ZFHX3: variants seen among roughly 807,000 people sequenced by gnomAD.
ZFHX3 encodes zinc finger homeobox protein 3.
Under a neutral mutation model 279.1 loss-of-function variants are expected in ZFHX3, and 42 were observed. That is an observed-to-expected ratio of 0.15 (90% CI 0.12 to 0.19). ZFHX3 has a LOEUF of 0.19. Ranked by LOEUF, ZFHX3 falls within the 10% of genes least tolerant of loss-of-function variation. The pLI is 1.00. For synonymous variants in ZFHX3, 2,293 were observed against 1,957.8 expected, an observed-to-expected ratio of 1.17 and a Z score of -4.52; for missense variants, 4,981 against 4,754.0, an observed-to-expected ratio of 1.05 and a Z score of -1.40.
chr16:73,366,281 G>A (rs1445547849), intron 3 of ZFHX3, among the ~76,000 whole-genome samples: 1 of 152,150 alleles, frequency 6.6e-6, no homozygotes, highest in East Asian at 1.9e-4. Flanking sequence ...GAAGGATACT[G>A]GATGGGATAC....
chr16:73,659,910 A>T (rs887837897), intron 2 of ZFHX3, among the ~76,000 whole-genome samples: 4 of 152,202 alleles, frequency 2.6e-5, no homozygotes, highest in African/African-American at 7.2e-5. Context: ...TTGAAAAAAA[A>T]TTTTAGATTG....
intron 1 of ZFHX3, among the ~76,000 whole-genome samples, chr16:73,044,000 T>C (rs898249455): frequency 6.6e-6 from 1 of 152,196 alleles, no homozygotes. Context: ...GTAGCTTCTG[T>C]GTGCTCCTTT....
chr16:73,695,889 G>C (rs12102845), intron 1 of ZFHX3, among the ~76,000 whole-genome samples: 88,689 of 151,988 alleles, frequency 0.58, 27,684 homozygotes, highest in East Asian at 0.84. Flanking sequence ...ACTCAGCTGC[G>C]TAAGGGGCCC....
intron 3 of ZFHX3, among the ~76,000 whole-genome samples, chr16:73,454,528 T>C (rs537394309): frequency 6.8e-6 from 1 of 147,656 alleles, no homozygotes; most frequent in African/African-American, 2.5e-5. Context: ...TTAGGTTAGT[T>C]AGCAAAAATG....
At chr16:72,870,920 T>C (rs1010714164) in intron 4 of ZFHX3, among the ~76,000 whole-genome samples, 5 of 152,184 alleles carry the variant, frequency 3.3e-5, no homozygotes, top group Non-Finnish European at 4.4e-5. Flanking sequence ...TCTTAGGAAA[T>C]ACACACTAAC....
At chr16:73,513,300 T>A (rs1447829930) in intron 2 of ZFHX3, among the ~76,000 whole-genome samples, 2 of 152,118 alleles carry the variant, frequency 1.3e-5, no homozygotes, top group African/African-American at 2.4e-5. Flanking sequence ...TAAAGTTGAG[T>A]AGGCAAACCT....
chr16:73,611,502 T>C (rs1469400713), intron 2 of ZFHX3, among the ~76,000 whole-genome samples: 1 of 152,204 alleles, frequency 6.6e-6, no homozygotes, highest in Non-Finnish European at 1.5e-5. Context: ...GGAAAAATAT[T>C]ACATAAAATA....
chr16:73,095,696 G>A (rs1051149147), intron 7 of ZFHX3, among the ~76,000 whole-genome samples: 3 of 152,120 alleles, frequency 2.0e-5, no homozygotes, highest in African/African-American at 7.2e-5. Context: ...ATAAACATTG[G>A]CCTGATGCCA....
chr16:72,981,521 C>T lies in ZFHX3; in HGVS notation c.-49-21327G>A, dbSNP rs541828293. 5.3e-5 allele frequency among the ~76,000 whole-genome samples: 8 copies of T among 152,292 alleles called. No individual in the cohort carries two copies. In the South Asian group the frequency reaches 1.0e-3, roughly 20 times the overall value. On this transcript the variant is annotated intron_variant, in intron 1 of 9. Coordinates refer to ENST00000268489, the MANE Select transcript of ZFHX3 (RefSeq NM_006885.4). Reference sequence around the variant, plus strand: ...AGATGTTTACCAGCCATTGTTTTTGCGCACACTGTCTTTTATCTCAGCATG... The same window carrying T: ...AGATGTTTACCAGCCATTGTTTTTGTGCACACTGTCTTTTATCTCAGCATG...
In ZFHX3 at chr16:73,645,286, C is replaced by T. The variant is rs138260887; in HGVS notation, c.-1547+34894G>A. Reference sequence around the variant, plus strand: ...TTTTATTTTTATTGAGACGGAGTCTCGCTCTGTCACCCAGGCTGGAGTGCA... The same window carrying T: ...TTTTATTTTTATTGAGACGGAGTCTTGCTCTGTCACCCAGGCTGGAGTGCA... On this transcript the variant is annotated intron_variant, in intron 2 of 17. Coordinates refer to the ZFHX3 transcript ENST00000641206. Among the ~76,000 whole-genome samples the T allele has an allele frequency of 3.3e-5, 5 of 152,258 alleles. No individual in the cohort carries two copies. In the East Asian group the frequency reaches 5.8e-4, roughly 18 times the overall value.
intron 1 of ZFHX3, among the ~76,000 whole-genome samples, chr16:73,007,359 T>C (rs1963746969): frequency 6.6e-6 from 1 of 152,242 alleles, no homozygotes; most frequent in African/African-American, 2.4e-5. Flanking sequence ...TGAAACAGTG[T>C]ATTTAGCAGG....
chr16:73,056,181 C>G (rs954951772), intron 1 of ZFHX3, among the ~76,000 whole-genome samples: 7 of 152,246 alleles, frequency 4.6e-5, no homozygotes, highest in Non-Finnish European at 7.4e-5. Flanking sequence ...TTACGAAATC[C>G]TCTTCGTACA....
chr16:72,975,176 T>C (rs1421167011), intron 1 of ZFHX3, among the ~76,000 whole-genome samples: 2 of 152,148 alleles, frequency 1.3e-5, no homozygotes, highest in Non-Finnish European at 1.5e-5. Context: ...GTGTGGTGGC[T>C]CATACCTGTA....
chr16:73,599,726 T>A (rs1278917967), intron 2 of ZFHX3, among the ~76,000 whole-genome samples: 2 of 54,128 alleles, frequency 3.7e-5, no homozygotes, highest in Non-Finnish European at 6.9e-5. Context: ...CAGATTAAAA[T>A]GTCATTAAAA....
At chr16:73,170,248 T>TTTTTTTTTTTTTTTA (rs55817518) in intron 5 of ZFHX3, among the ~76,000 whole-genome samples, 2 of 142,486 alleles carry the variant, frequency 1.4e-5, no homozygotes, top group Non-Finnish European at 3.0e-5. Context: ...TTTTTTTTTT[T>TTTTTTTTTTTTTTTA]GAGACATAGC....
chr16:73,659,597 C>G (rs897940483), intron 2 of ZFHX3, among the ~76,000 whole-genome samples: 1 of 152,078 alleles, frequency 6.6e-6, no homozygotes, highest in African/African-American at 2.4e-5. Context: ...GGAGAGCTTT[C>G]AGGCTCCCCT....
At chr16:73,301,952 C>CA (rs1201224884) in intron 4 of ZFHX3, among the ~76,000 whole-genome samples, 9 of 152,110 alleles carry the variant, frequency 5.9e-5, no homozygotes, top group African/African-American at 1.4e-4. Flanking sequence ...CAAGGCCCGA[C>CA]AGAGTCCATG....
chr16:73,203,832 G>C lies in ZFHX3; in HGVS notation c.-1104+53215C>G, dbSNP rs1218629255. Among the ~76,000 whole-genome samples, 3 of 152,292 alleles carry C rather than the reference G, an allele frequency of 2.0e-5. No individual in the cohort carries two copies. In the East Asian group the frequency reaches 5.8e-4, roughly 29 times the overall value. ...GTACCTGGGCATGACTCCCATTTGAGCCAGTGACAATTGTCCATCTATACC... is the reference window on the plus strand; with the variant it reads ...GTACCTGGGCATGACTCCCATTTGACCCAGTGACAATTGTCCATCTATACC... On this transcript the variant is annotated intron_variant, in intron 5 of 17. Transcript: ENST00000641206.
chr16:73,408,359 C>T (rs1169332905), intron 3 of ZFHX3, among the ~76,000 whole-genome samples: 3 of 152,106 alleles, frequency 2.0e-5, no homozygotes, highest in Non-Finnish European at 2.9e-5. Flanking sequence ...CTGACAAGGT[C>T]GTGAGGTCTC....
Sources: allele counts gnomAD v4.1 joint callset (sites outside exome capture counted in the v4.1 genomes callset), GRCh38; gene constraint gnomAD v4.1.1; transcripts MANE v1.5; gene names NCBI Gene and HGNC (gene_info 2026-07-23, HGNC 2026-07-21).